The following KCNK10 variants were observed in gnomAD, a reference collection of about 807,000 sequenced individuals.
The protein encoded by KCNK10 is potassium channel subfamily K member 10.
A neutral mutation model predicts 47.7 loss-of-function variants in KCNK10; 25 were observed. The ratio of observed to expected loss-of-function variants is 0.52; its 90% CI spans 0.38 to 0.73. KCNK10 has a LOEUF of 0.73. KCNK10 is among the 30% of genes least tolerant of loss of function. KCNK10 has a pLI of 0.00. For synonymous variants in KCNK10, 303 were observed against 285.6 expected (o/e 1.06, Z -0.61); for missense variants, 563 against 714.5 (o/e 0.79, Z 2.42).
intron 1 of KCNK10, among the ~76,000 whole-genome samples, chr14:88,273,298 GTC>G (rs1887450474): frequency 6.6e-6 from 1 of 152,182 alleles, no homozygotes; most frequent in African/African-American, 2.4e-5. Context: ...TCTTATCCCA[GTC>G]TCTGTCTCCA....
chr14:88,259,254 G>T (rs1255706583), intron 2 of KCNK10, among the ~76,000 whole-genome samples: 1 of 152,216 alleles, frequency 6.6e-6, no homozygotes, highest in East Asian at 1.9e-4. Flanking sequence ...AGGGCAAAAT[G>T]TAATGATTTG....
chr14:88,326,816 G>A (rs1386620113), upstream of KCNK10: 4 of 264,352 alleles, frequency 1.5e-5, no homozygotes, highest in Admixed American at 1.7e-4. Context: ...GTCATCTCTG[G>A]CAACGAAGTT....
intron 2 of KCNK10, among the ~76,000 whole-genome samples, chr14:88,241,198 C>T (rs905106908): frequency 2.2e-4 from 33 of 152,316 alleles, no homozygotes; most frequent in Admixed American, 9.8e-4. Context: ...ATTTTGGTTG[C>T]TTTTTCACTC....
At chr14:88,315,916 G>A (rs1018263961) in intron 1 of KCNK10, among the ~76,000 whole-genome samples, 3 of 152,002 alleles carry the variant, frequency 2.0e-5, no homozygotes, top group Non-Finnish European at 2.9e-5. Context: ...AAGAAGGACG[G>A]GAGGAATGAA....
intron 1 of KCNK10, among the ~76,000 whole-genome samples, chr14:88,291,241 C>T (rs1887869746): frequency 6.6e-6 from 1 of 152,156 alleles, no homozygotes; most frequent in Non-Finnish European, 1.5e-5. Context: ...CCCCACCACC[C>T]CAATGGAGCA....
At chr14:88,279,421 A>G (rs1230739224) in intron 1 of KCNK10, among the ~76,000 whole-genome samples, 1 of 151,098 alleles carries the variant, frequency 6.6e-6, no homozygotes, top group East Asian at 1.9e-4. Flanking sequence ...TACAATGCAC[A>G]TAACATAAAA....
Position 88,280,201 on chromosome 14 carries a change from C to T in KCNK10, c.53-16650G>A, listed in dbSNP as rs889546014. ...GCTACCGACACAGGGGACACCAACA[C>T]GGCCACACATCACTTGTCCTCTCAG... On this transcript the variant is annotated intron_variant, in intron 1 of 6. Transcript: ENST00000319231. Among the ~76,000 whole-genome samples, 5 of 152,262 alleles carry T rather than the reference C, an allele frequency of 3.3e-5. No homozygotes were observed. In the East Asian group the frequency reaches 5.8e-4, roughly 18 times the overall value.
chr14:88,293,084 G>C (rs1333033567), intron 1 of KCNK10, among the ~76,000 whole-genome samples: 1 of 152,180 alleles, frequency 6.6e-6, no homozygotes, highest in Non-Finnish European at 1.5e-5. Context: ...GTATCATCCA[G>C]GGTTGGCCTC....
In KCNK10 at chr14:88,323,091, T is replaced by G; in HGVS notation, c.-293A>C. On this transcript the variant is annotated 5_prime_UTR_variant, in exon 1 of 7. Coordinates refer to ENST00000319231, the MANE Select transcript of KCNK10 (RefSeq NM_138317.3). The stretch of plus-strand genomic sequence containing the variant: ...TGGATGAAAGGATGGAGAGGAAGGC[T>G]TGGGGAGATGGAAGAGCCAAGCTGC... The G allele has an allele frequency of 8.2e-7, 1 of 1,226,938 alleles. No homozygotes were observed. The highest frequency in any genetic ancestry group is 1.8e-5 in the South Asian group (1 of 54,692). 76.0% of individuals were successfully genotyped at this position (1,226,938 alleles called of 1,614,324 possible).
intron 1 of KCNK10, chr14:88,270,649 G>C (rs962477866): frequency 3.9e-6 from 3 of 774,530 alleles, no homozygotes; most frequent in South Asian, 2.7e-5. Context: ...AAGGCAGACT[G>C]GGGGGAAGAG....
chr14:88,239,958 G>GA (rs1335699423), intron 3 of KCNK10, among the ~76,000 whole-genome samples: 5 of 151,552 alleles, frequency 3.3e-5, no homozygotes, highest in East Asian at 1.9e-4. Context: ...CCAAGTGTCA[G>GA]AAAAAAAAGA....
chr14:88,294,206 A>G (rs1437070117), intron 1 of KCNK10, among the ~76,000 whole-genome samples: 1 of 152,232 alleles, frequency 6.6e-6, no homozygotes, highest in Non-Finnish European at 1.5e-5. Flanking sequence ...CATGATAATT[A>G]AAGAATGAGT....
chr14:88,287,674 G>GGGGT (rs1479481418), intron 1 of KCNK10, among the ~76,000 whole-genome samples: 6 of 141,542 alleles, frequency 4.2e-5, no homozygotes, highest in Non-Finnish European at 9.3e-5. Context: ...AGTATTCCAT[G>GGGGT]GTGTGTGTGT....
chr14:88,185,723 G>T lies in KCNK10; in HGVS notation c.1444C>A (p.Arg482=), dbSNP rs141499099. The change falls in exon 7 of 7, where the codon CGG becomes AGG. Residue 482 remains arginine (R), a synonymous_variant. Coordinates refer to ENST00000319231, the MANE Select transcript of KCNK10 (RefSeq NM_138317.3). This position sits in a 1 kb window ranked among gnomAD's most constrained non-coding sequence, Gnocchi z 4.3. ...TTCTCCTCGTCCAGGGAGTAATTCC[G>T]GAAGGTCTTGTAGATTTTCTGAACG... ...EDVQKIYKTF[R]NYSLDEEKKE... The T allele has an allele frequency of 3.1e-6, 5 of 1,613,936 alleles. No individual in the cohort carries two copies. Among genetic ancestry groups the T allele is most frequent in the Non-Finnish European group, 3.4e-6 (4 of 1,180,034 alleles).
intron 1 of KCNK10, among the ~76,000 whole-genome samples, chr14:88,289,985 G>A (rs1566715816): frequency 6.6e-6 from 1 of 152,220 alleles, no homozygotes; most frequent in Non-Finnish European, 1.5e-5. Flanking sequence ...GAGGCACACT[G>A]TAGATACTTA....
intron 4 of KCNK10, among the ~76,000 whole-genome samples, chr14:88,203,902 G>A (rs1326597263): frequency 4.6e-5 from 7 of 152,222 alleles, no homozygotes; most frequent in African/African-American, 1.7e-4. Flanking sequence ...GGGAAACTTG[G>A]ACAGGGTAGG....
At chr14:88,249,554 G>C (rs2139901678) in intron 2 of KCNK10, among the ~76,000 whole-genome samples, 1 of 152,290 alleles carries the variant, frequency 6.6e-6, no homozygotes, top group Non-Finnish European at 1.5e-5. Context: ...GTAACCAATA[G>C]CTACTGGGCT....
chr14:88,278,889 T>TAA (rs1887585902), intron 1 of KCNK10, among the ~76,000 whole-genome samples: 1 of 152,206 alleles, frequency 6.6e-6, no homozygotes, highest in South Asian at 2.1e-4. Flanking sequence ...TGCAGGCATG[T>TAA]CTGAGAGTTG....
At chr14:88,323,897 A>C (rs1888608478), upstream of KCNK10, among the ~76,000 whole-genome samples, 1 of 151,558 alleles carries the variant, frequency 6.6e-6, no homozygotes, top group African/African-American at 2.4e-5. Flanking sequence ...TCCCGAACCC[A>C]CGTCCCCGCC....
Sources: allele counts gnomAD v4.1 joint callset (sites outside exome capture counted in the v4.1 genomes callset), GRCh38; gene constraint gnomAD v4.1.1; non-coding constraint Gnocchi (gnomAD v3.1); transcripts MANE v1.5; gene names NCBI Gene and HGNC (gene_info 2026-07-23, HGNC 2026-07-21).